TRPC7: variants seen among roughly 807,000 people sequenced by gnomAD.
The protein encoded by TRPC7 is short transient receptor potential channel 7.
Under a neutral mutation model 90.1 loss-of-function variants are expected in TRPC7, and 42 were observed. The ratio of observed to expected loss-of-function variants is 0.47; its 90% CI spans 0.36 to 0.60. TRPC7 has a LOEUF of 0.60. TRPC7 is among the 20% of genes least tolerant of loss of function. The pLI, the probability that TRPC7 is intolerant of heterozygous loss-of-function variation, is 0.00. For missense variants in TRPC7, 955 were observed against 1,112.3 expected (o/e 0.86, Z 2.01); for synonymous variants, 451 against 436.3 (o/e 1.03, Z -0.42).
chr5:136,255,987 T>TA (rs1280395050), intron 5 of TRPC7, among the ~76,000 whole-genome samples: 1 of 152,212 alleles, frequency 6.6e-6, no homozygotes, highest in African/African-American at 2.4e-5. Context: ...CAAAGAGTCT[T>TA]ACGACTACTC....
intron 10 of TRPC7, 75 bp downstream of exon 10, chr5:136,225,199 G>T: frequency 7.5e-7 from 1 of 1,334,116 alleles, no homozygotes; most frequent in Non-Finnish European, 1.1e-6. Flanking sequence ...GGATGACACA[G>T]TCATGGGACT....
At chr5:136,308,063 C>G (rs1257785949) in intron 3 of TRPC7, among the ~76,000 whole-genome samples, 6 of 152,202 alleles carry the variant, frequency 3.9e-5, no homozygotes. Context: ...GGACACGACA[C>G]TATACTGCTG....
chr5:136,364,126 G>A (rs908012137), intron 1 of TRPC7, among the ~76,000 whole-genome samples: 2 of 152,164 alleles, frequency 1.3e-5, no homozygotes, highest in African/African-American at 2.4e-5. Context: ...GGAGGGAAAT[G>A]TTGATTGCCT....
At chr5:136,354,089 T>C (rs1760283878) in intron 2 of TRPC7, among the ~76,000 whole-genome samples, 1 of 152,232 alleles carries the variant, frequency 6.6e-6, no homozygotes, top group Non-Finnish European at 1.5e-5. Flanking sequence ...TTTTTTTGCT[T>C]GAATTTTTAA....
intron 3 of TRPC7, among the ~76,000 whole-genome samples, chr5:136,315,043 G>A (rs1398652138): frequency 6.6e-6 from 1 of 152,184 alleles, no homozygotes; most frequent in Non-Finnish European, 1.5e-5. Context: ...TTGAGGAGGT[G>A]GCATGAGTTT....
intron 4 of TRPC7, among the ~76,000 whole-genome samples, chr5:136,272,819 C>A (rs1339348646): frequency 6.6e-6 from 1 of 152,050 alleles, no homozygotes; most frequent in Non-Finnish European, 1.5e-5. Flanking sequence ...TAGGTCTGAC[C>A]CCTACATCCC....
chr5:136,218,842 T>C (rs1400839011), intron 10 of TRPC7, among the ~76,000 whole-genome samples: 1 of 152,172 alleles, frequency 6.6e-6, no homozygotes, highest in East Asian at 1.9e-4. Flanking sequence ...AAAGTGATCT[T>C]ACTGACTCCT....
At chr5:136,358,913 A>G (rs1760474172) in intron 1 of TRPC7, among the ~76,000 whole-genome samples, 1 of 152,200 alleles carries the variant, frequency 6.6e-6, no homozygotes, top group Non-Finnish European at 1.5e-5. Context: ...AAGAGTAAGT[A>G]CTTGGATATT....
chr5:136,348,603 G>T (rs2149856584), intron 2 of TRPC7, among the ~76,000 whole-genome samples: 1 of 152,208 alleles, frequency 6.6e-6, no homozygotes, highest in African/African-American at 2.4e-5. Flanking sequence ...ACTTTATCTT[G>T]TTCATTTTAT....
chr5:136,285,893 A>C (rs1757697319), intron 3 of TRPC7, among the ~76,000 whole-genome samples: 1 of 152,132 alleles, frequency 6.6e-6, no homozygotes, highest in Non-Finnish European at 1.5e-5. Context: ...ACCCTGCCCA[A>C]AGTAGAAAGC....
intron 6 of TRPC7, among the ~76,000 whole-genome samples, chr5:136,249,851 CTGGCCACAAGAGGGCTCTCCTGCCCTGT>C (rs1350626643): frequency 6.6e-6 from 1 of 152,214 alleles, no homozygotes; most frequent in Non-Finnish European, 1.5e-5. Flanking sequence ...CACCGTCCAG[CTGGCCACAAGAGGGCTCTCCTGCCCTGT>C]AACTGGAGCA....
rs1262415891 is a variant in TRPC7 at position 136,225,255 on chromosome 5, T to C, written c.2343+19A>G. 5 of 1,609,876 alleles carry C rather than the reference T, an allele frequency of 3.1e-6. No homozygotes were observed. In the South Asian group the frequency reaches 3.3e-5, roughly 11 times the overall value. ...TCTACTTCTGCCCATGCTTGGATGC[T>C]TGGGAAAGGGGTGGTTACCTGGTAT... On this transcript the variant is annotated intron_variant, in intron 10 of 11. Coordinates refer to ENST00000513104, the MANE Select transcript of TRPC7 (RefSeq NM_020389.3).
chr5:136,303,493 C>T (rs916151416), intron 3 of TRPC7, among the ~76,000 whole-genome samples: 3 of 152,226 alleles, frequency 2.0e-5, no homozygotes, highest in East Asian at 1.9e-4. Context: ...GAGACAAACC[C>T]CAGCCACAAC....
chr5:136,250,889 G>A (rs141028666), intron 6 of TRPC7, among the ~76,000 whole-genome samples: 77 of 152,300 alleles, frequency 5.1e-4, no homozygotes, highest in African/African-American at 1.9e-3. Flanking sequence ...TTCAAATCAT[G>A]TCAGGCCAGG....
intron 3 of TRPC7, among the ~76,000 whole-genome samples, chr5:136,308,105 GT>G (rs774636399): frequency 2.0e-5 from 3 of 152,146 alleles, no homozygotes; most frequent in Non-Finnish European, 4.4e-5. Context: ...TCTCCTGGGA[GT>G]TTTTCCAGGC....
chr5:136,352,452 C>A (rs148205223), intron 2 of TRPC7, among the ~76,000 whole-genome samples: 157 of 151,730 alleles, frequency 1.0e-3, no homozygotes, highest in Admixed American at 2.6e-3. Flanking sequence ...TAAAATGGAC[C>A]CTAACCAATT....
chr5:136,303,949 C>T (rs370489263), intron 3 of TRPC7: 15 of 152,026 alleles, frequency 9.9e-5, no homozygotes, highest in Admixed American at 5.9e-4. Flanking sequence ...TCCATAACTG[C>T]TGTGGGTATT....
At chr5:136,365,148 A>G (rs1223456103) in intron 1 of TRPC7, 105 bp downstream of exon 1, 2 of 1,293,688 alleles carry the variant, frequency 1.5e-6, no homozygotes, top group East Asian at 2.5e-5. Context: ...GCAGTGCACT[A>G]GAGGAAGAAG....
intron 2 of TRPC7, among the ~76,000 whole-genome samples, chr5:136,328,706 A>G (rs1759414749): frequency 6.6e-6 from 1 of 152,278 alleles, no homozygotes; most frequent in South Asian, 2.1e-4. Flanking sequence ...GGTGCTTCAC[A>G]CAATATGTGG....
Sources: allele counts gnomAD v4.1 joint callset (sites outside exome capture counted in the v4.1 genomes callset), GRCh38; gene constraint gnomAD v4.1.1; transcripts MANE v1.5; gene names NCBI Gene and HGNC (gene_info 2026-07-23, HGNC 2026-07-21).